SYNPR: variants seen among roughly 807,000 people sequenced by gnomAD.
SYNPR encodes the protein synaptoporin.
Under a neutral mutation model 32.9 loss-of-function variants are expected in SYNPR, and 23 were observed. That is an observed-to-expected ratio of 0.70 (90% CI 0.50 to 0.99). The LOEUF is 0.99. Ranked by LOEUF, SYNPR falls within the 50% of genes least tolerant of loss-of-function variation. The pLI, the probability that SYNPR is intolerant of heterozygous loss-of-function variation, is 0.00. For synonymous variants in SYNPR, 146 were observed against 135.9 expected, an observed-to-expected ratio of 1.07 and a Z score of -0.52; for missense variants, 318 against 349.3, an observed-to-expected ratio of 0.91 and a Z score of 0.71.
chr3:63,232,492 A>C (rs2086174157), intron 1 of SYNPR, among the ~76,000 whole-genome samples: 1 of 152,120 alleles, frequency 6.6e-6, no homozygotes, highest in Non-Finnish European at 1.5e-5. Context: ...CGTGAGCCAC[A>C]CCGTGCCCTG....
chr3:63,456,912 C>T (rs995984158), intron 2 of SYNPR, among the ~76,000 whole-genome samples: 9 of 152,110 alleles, frequency 5.9e-5, no homozygotes, highest in African/African-American at 9.7e-5. Flanking sequence ...GGACCAAACA[C>T]GAATACACCA....
At chr3:63,479,062 C>T (rs1322110416) in intron 2 of SYNPR, among the ~76,000 whole-genome samples, 2 of 152,132 alleles carry the variant, frequency 1.3e-5, no homozygotes, top group Non-Finnish European at 2.9e-5. Context: ...TGTCTCAACC[C>T]TAGATTGTGG....
At chr3:63,540,930 A>AACAC (rs58295090) in intron 3 of SYNPR, among the ~76,000 whole-genome samples, 2,847 of 122,808 alleles carry the variant, frequency 0.023, 85 homozygotes, top group African/African-American at 0.067. Context: ...TCCCCCCCCC[A>AACAC]ACACACACAC....
At chr3:63,353,107 AT>A (rs1560202086) in intron 2 of SYNPR, among the ~76,000 whole-genome samples, 1 of 152,342 alleles carries the variant, frequency 6.6e-6, no homozygotes, top group East Asian at 1.9e-4. Flanking sequence ...GAGCAACTCC[AT>A]TCCAGGTTCT....
intron 2 of SYNPR, among the ~76,000 whole-genome samples, chr3:63,366,883 G>T (rs1365345139): frequency 2.6e-5 from 4 of 152,182 alleles, no homozygotes; most frequent in African/African-American, 9.7e-5. Context: ...AAGATTAAAT[G>T]AGCAATAATA....
At chr3:63,338,393 C>A (rs2087321458) in intron 2 of SYNPR, among the ~76,000 whole-genome samples, 1 of 152,170 alleles carries the variant, frequency 6.6e-6, no homozygotes, top group African/African-American at 2.4e-5. Context: ...GGAGGAGTGT[C>A]TAGCTTTCTC....
intron 4 of SYNPR, among the ~76,000 whole-genome samples, chr3:63,579,919 A>G (rs1703060493): frequency 6.7e-6 from 1 of 149,820 alleles, no homozygotes; most frequent in African/African-American, 2.4e-5. Flanking sequence ...AGGGGGCAAA[A>G]TGGGGGGAGG....
intron 2 of SYNPR, among the ~76,000 whole-genome samples, chr3:63,441,031 C>T (rs1366736500): frequency 6.6e-6 from 1 of 152,186 alleles, no homozygotes; most frequent in Admixed American, 6.5e-5. Context: ...AGTGCCATCA[C>T]GTTGCATCCA....
chr3:63,562,844 C>T (rs1373499168), intron 4 of SYNPR, among the ~76,000 whole-genome samples: 1 of 152,124 alleles, frequency 6.6e-6, no homozygotes, highest in Non-Finnish European at 1.5e-5. Context: ...GGATTTTAAT[C>T]TTCTTGTGTG....
chr3:63,256,637 T>C (rs932575613), intron 2 of SYNPR, among the ~76,000 whole-genome samples: 4 of 151,672 alleles, frequency 2.6e-5, no homozygotes, highest in Non-Finnish European at 4.4e-5. Context: ...AGCAGAAAAA[T>C]TGGAAACTCT....
intron 2 of SYNPR, among the ~76,000 whole-genome samples, chr3:63,398,155 T>C (rs1371575193): frequency 3.3e-5 from 5 of 152,210 alleles, no homozygotes; most frequent in Non-Finnish European, 1.5e-5. Context: ...TCCTTCTTTG[T>C]CTTCTGTAAA....
At chr3:63,442,935 T>A in intron 2 of SYNPR, 1 of 645,550 alleles carries the variant, frequency 1.5e-6, no homozygotes, top group Non-Finnish European at 1.9e-6. Context: ...AAACCACCAT[T>A]TTTCCCCATA....
At chr3:63,539,151 A>T (rs988170011) in intron 3 of SYNPR, among the ~76,000 whole-genome samples, 1 of 152,108 alleles carries the variant, frequency 6.6e-6, no homozygotes, top group Non-Finnish European at 1.5e-5. Flanking sequence ...AAGTTTTTGC[A>T]TCACTGAAAA....
intron 3 of SYNPR, chr3:63,550,143 C>T (rs2106819189): frequency 6.6e-6 from 1 of 152,086 alleles, no homozygotes; most frequent in South Asian, 2.1e-4. Flanking sequence ...CTACAAAACA[C>T]ATGCTGACTA....
intron 2 of SYNPR, among the ~76,000 whole-genome samples, chr3:63,463,728 A>T (rs1700629263): frequency 6.6e-6 from 1 of 152,130 alleles, no homozygotes; most frequent in Non-Finnish European, 1.5e-5. Flanking sequence ...CAAAGGGGAA[A>T]CTAAGCTTAA....
At chr3:63,499,987 G>T (rs908016204) in intron 3 of SYNPR, among the ~76,000 whole-genome samples, 1 of 152,096 alleles carries the variant, frequency 6.6e-6, no homozygotes, top group Non-Finnish European at 1.5e-5. Context: ...TTGCCATTGG[G>T]ATTAAATTTT....
At chr3:63,220,867 C>T in the SYNPR span, among the ~76,000 whole-genome samples, 1 of 152,232 alleles carries the variant, frequency 6.6e-6, no homozygotes, top group Admixed American at 6.5e-5. Context: ...GTTCCTTCAA[C>T]TGCTTCTTCT....
chr3:63,538,223 C>T (rs758698669), intron 3 of SYNPR, among the ~76,000 whole-genome samples: 2 of 152,040 alleles, frequency 1.3e-5, no homozygotes, highest in Non-Finnish European at 2.9e-5. Context: ...TAAGAAACCA[C>T]TATAAGTAAA....
At chr3:63,555,787 A>C (rs1396980892) in intron 3 of SYNPR, among the ~76,000 whole-genome samples, 1 of 152,210 alleles carries the variant, frequency 6.6e-6, no homozygotes, top group Admixed American at 6.5e-5. Flanking sequence ...GATTCCCACT[A>C]TCATGGAGAA....
Sources: gnomAD v4.1 joint callset for allele counts (sites outside exome capture counted in the v4.1 genomes callset) on GRCh38, gnomAD v4.1.1 for gene constraint, MANE v1.5 for transcripts, NCBI Gene and HGNC (gene_info 2026-07-23, HGNC 2026-07-21) for gene names.